RGSL1: variants seen among roughly 807,000 people sequenced by gnomAD.
The protein encoded by RGSL1 is regulator of G protein signaling protein-like.
RGSL1 carries 97 observed loss-of-function variants against 124.7 expected under a neutral mutation model. The ratio of observed to expected loss-of-function variants is 0.78; its 90% CI spans 0.66 to 0.92. The LOEUF (loss-of-function observed/expected upper bound fraction) is 0.92, where lower values mean the gene tolerates loss of function less well. Ranked by LOEUF, RGSL1 falls within the 40% of genes least tolerant of loss-of-function variation. RGSL1 has a pLI of 0.00. For missense variants in RGSL1, 1,233 were observed against 1,288.4 expected (o/e 0.96, Z 0.66); for synonymous variants, 424 against 438.1 (o/e 0.97, Z 0.40).
chr1:182,485,207 G>T (rs113600954), intron 6 of RGSL1, among the ~76,000 whole-genome samples: 1 of 152,068 alleles, frequency 6.6e-6, no homozygotes, highest in South Asian at 2.1e-4. Flanking sequence ...AGTTCCTCCC[G>T]GTCCCCAGCT....
chr1:182,452,254 A>G (rs1651903705), intron 1 of RGSL1, among the ~76,000 whole-genome samples: 1 of 152,178 alleles, frequency 6.6e-6, no homozygotes, highest in Non-Finnish European at 1.5e-5. Flanking sequence ...AGAAGCCTGG[A>G]CTGAAAACAC....
intron 2 of RGSL1, among the ~76,000 whole-genome samples, chr1:182,457,962 G>A (rs536453590): frequency 6.6e-6 from 1 of 152,324 alleles, no homozygotes; most frequent in African/African-American, 2.4e-5. Flanking sequence ...CATTTGCTAA[G>A]TCCAGGGAGA....
At chr1:182,483,981 A>G (rs1007192161) in intron 6 of RGSL1, among the ~76,000 whole-genome samples, 1 of 152,062 alleles carries the variant, frequency 6.6e-6, no homozygotes, top group Admixed American at 6.5e-5. Flanking sequence ...CTCAGTGGCA[A>G]CTCAGGTCCC....
chr1:182,525,840 A>C (rs1331699391), intron 10 of RGSL1, among the ~76,000 whole-genome samples: 1 of 130,820 alleles, frequency 7.6e-6, no homozygotes, highest in African/African-American at 2.9e-5. Flanking sequence ...AAATTGTTAA[A>C]CTGTAAGATA....
At chr1:182,500,505 A>T (rs1656268385) in intron 9 of RGSL1, among the ~76,000 whole-genome samples, 2 of 152,106 alleles carry the variant, frequency 1.3e-5, no homozygotes, top group Non-Finnish European at 2.9e-5. Context: ...TTGCAATTCT[A>T]TGTGAGTTTT....
chr1:182,491,301 C>T (rs1042335098), intron 8 of RGSL1, among the ~76,000 whole-genome samples: 44 of 152,134 alleles, frequency 2.9e-4, no homozygotes, highest in South Asian at 1.5e-3. Context: ...CTGCAACCTC[C>T]ACCTCCCAGG....
At chr1:182,472,980 T>C (rs1023629231) in intron 5 of RGSL1, among the ~76,000 whole-genome samples, 1 of 152,214 alleles carries the variant, frequency 6.6e-6, no homozygotes, top group African/African-American at 2.4e-5. Flanking sequence ...TTTTATGTGA[T>C]TTACAAAGCC....
At chr1:182,552,215 G>C (rs952723597) in intron 18 of RGSL1, among the ~76,000 whole-genome samples, 27 of 151,832 alleles carry the variant, frequency 1.8e-4, no homozygotes, top group Non-Finnish European at 3.8e-4. Context: ...CTGGGTTCAC[G>C]CCATTCTCCT....
At chr1:182,527,029 G>A (rs1040831788) in intron 10 of RGSL1, among the ~76,000 whole-genome samples, 7 of 152,202 alleles carry the variant, frequency 4.6e-5, no homozygotes, top group African/African-American at 1.7e-4. Context: ...GGGAACTGGA[G>A]ATATAGTTTT....
intron 2 of RGSL1, among the ~76,000 whole-genome samples, chr1:182,454,990 G>A (rs577928232): frequency 6.6e-6 from 1 of 152,204 alleles, no homozygotes; most frequent in South Asian, 2.1e-4. Context: ...GTTATTGGGT[G>A]GTTACTTTGT....
chr1:182,511,244 C>T (rs1657430575), intron 9 of RGSL1, among the ~76,000 whole-genome samples: 1 of 152,298 alleles, frequency 6.6e-6, no homozygotes, highest in South Asian at 2.1e-4. Flanking sequence ...CGGCTCACTG[C>T]AACGTGTGCC....
At chr1:182,528,916 G>A (rs1343637260) in intron 11 of RGSL1, among the ~76,000 whole-genome samples, 1 of 152,226 alleles carries the variant, frequency 6.6e-6, no homozygotes, top group African/African-American at 2.4e-5. Context: ...CCTGTCTACA[G>A]GGTGGCAAGA....
At position 182,532,311 on chromosome 1, in the gene RGSL1, A is replaced by G. The variant is rs111745779; in HGVS notation, c.2365-351A>G. ...TGTTTCCAAATTTGCCTGAGCCTTT[A>G]GTTCTTTATTTCTGTCCTCTTTTCT... On this transcript the variant is annotated intron_variant, in intron 13 of 21. Transcript: ENST00000294854. Among the ~76,000 whole-genome samples, 1,108 of 152,158 alleles carry G rather than the reference A, an allele frequency of 7.3e-3. 15 individuals carry two copies. The highest frequency in any genetic ancestry group is 0.027 in the Middle Eastern group (8 of 294).
At chr1:182,484,977 A>C (rs925958613) in intron 6 of RGSL1, among the ~76,000 whole-genome samples, 3 of 152,068 alleles carry the variant, frequency 2.0e-5, no homozygotes, top group Admixed American at 6.5e-5. Context: ...ACCATTTCCA[A>C]GATGGTATAG....
chr1:182,496,412 C>T (rs765436053), intron 9 of RGSL1, among the ~76,000 whole-genome samples: 1 of 152,180 alleles, frequency 6.6e-6, no homozygotes, highest in Non-Finnish European at 1.5e-5. Context: ...TGTATGCTCA[C>T]TTGATATCAC....
At chr1:182,482,965 A>G (rs947749379) in intron 6 of RGSL1, among the ~76,000 whole-genome samples, 2 of 152,342 alleles carry the variant, frequency 1.3e-5, no homozygotes, top group African/African-American at 4.8e-5. Context: ...GCCATTTGCA[A>G]CAACATAGAT....
At chr1:182,515,380 A>C (rs1383169509) in intron 9 of RGSL1, among the ~76,000 whole-genome samples, 2 of 151,968 alleles carry the variant, frequency 1.3e-5, no homozygotes, top group Non-Finnish European at 2.9e-5. Flanking sequence ...CCTGGAATCG[A>C]GTTTGGGACA....
intron 17 of RGSL1, chr1:182,550,781 G>A (rs1660509815): frequency 1.1e-5 from 3 of 262,730 alleles, no homozygotes; most frequent in Non-Finnish European, 2.1e-5. Flanking sequence ...TCTGATGCTG[G>A]GGTGCACCCC....
At chr1:182,484,222 T>C (rs933503189) in intron 6 of RGSL1, among the ~76,000 whole-genome samples, 1 of 152,094 alleles carries the variant, frequency 6.6e-6, no homozygotes, top group Non-Finnish European at 1.5e-5. Context: ...TCAGCCACTG[T>C]TCTGTTTCCC....
Sources: gnomAD v4.1 joint callset for allele counts (sites outside exome capture counted in the v4.1 genomes callset) on GRCh38, gnomAD v4.1.1 for gene constraint, MANE v1.5 for transcripts, NCBI Gene and HGNC (gene_info 2026-07-23, HGNC 2026-07-21) for gene names.